BMERB1: variants seen among roughly 807,000 people sequenced by gnomAD.
BMERB1 encodes bMERB domain containing 1.
A neutral mutation model predicts 23.6 loss-of-function variants in BMERB1; 12 were observed. The observed-to-expected ratio is 0.51, with a 90% CI of 0.33 to 0.82. The LOEUF (loss-of-function observed/expected upper bound fraction) is 0.82, where lower values mean the gene tolerates loss of function less well. BMERB1 is among the 40% of genes least tolerant of loss of function. The pLI is 0.03. For synonymous variants in BMERB1, 122 were observed against 96.6 expected (o/e 1.26, Z -1.54); for missense variants, 247 against 255.4 (o/e 0.97, Z 0.22).
chr16:15,484,978 A>G (rs1211794635), intron 1 of BMERB1, among the ~76,000 whole-genome samples: 2 of 152,166 alleles, frequency 1.3e-5, no homozygotes, highest in Non-Finnish European at 2.9e-5. Flanking sequence ...TTCTGCATCT[A>G]CTTGTGTTGG....
intron 2 of BMERB1, among the ~76,000 whole-genome samples, chr16:15,553,209 T>C (rs2030146789): frequency 6.6e-6 from 1 of 152,198 alleles, no homozygotes; most frequent in African/African-American, 2.4e-5. Flanking sequence ...AGTTTCGCCA[T>C]GTTGGCTAGG....
At chr16:15,453,461 A>G (rs911067495) in intron 1 of BMERB1, among the ~76,000 whole-genome samples, 1 of 152,074 alleles carries the variant, frequency 6.6e-6, no homozygotes, top group South Asian at 2.1e-4. Flanking sequence ...CTCTAATTCT[A>G]TTATTAGCTA....
At chr16:15,536,017 C>T (rs1273326866) in intron 2 of BMERB1, among the ~76,000 whole-genome samples, 11 of 152,148 alleles carry the variant, frequency 7.2e-5, no homozygotes, top group African/African-American at 2.4e-4. Context: ...TTCCCTCCCT[C>T]GACACGTGGG....
At chr16:15,537,153 A>G (rs78330317) in intron 2 of BMERB1, among the ~76,000 whole-genome samples, 24 of 152,196 alleles carry the variant, frequency 1.6e-4, no homozygotes, top group African/African-American at 5.5e-4. Context: ...CTGGGGCTAT[A>G]TTTATCAAGA....
At chr16:15,525,772 T>G (rs775463747) in intron 2 of BMERB1, among the ~76,000 whole-genome samples, 1 of 152,130 alleles carries the variant, frequency 6.6e-6, no homozygotes, top group East Asian at 1.9e-4. Context: ...TTCAGTAGTA[T>G]TGGTTCTGTT....
intron 1 of BMERB1, among the ~76,000 whole-genome samples, chr16:15,507,561 GCGT>G (rs1221172221): frequency 8.3e-4 from 127 of 152,294 alleles, no homozygotes; most frequent in Non-Finnish European, 9.3e-4. Context: ...TTGGAAGTGT[GCGT>G]GAGAGACTTG....
intron 1 of BMERB1, among the ~76,000 whole-genome samples, chr16:15,473,857 C>T (rs949629028): frequency 2.6e-5 from 4 of 151,966 alleles, no homozygotes; most frequent in Admixed American, 6.6e-5. Context: ...CGGTGGCTCA[C>T]GCCTGTAATC....
intron 3 of BMERB1, among the ~76,000 whole-genome samples, chr16:15,572,238 A>ACC (rs35421346): frequency 6.6e-6 from 1 of 151,578 alleles, no homozygotes; most frequent in African/African-American, 2.4e-5. Flanking sequence ...CAATAATACT[A>ACC]CCCCCCGCAT....
At chr16:15,451,594 TG>T (rs1479339526) in intron 1 of BMERB1, among the ~76,000 whole-genome samples, 1 of 144,362 alleles carries the variant, frequency 6.9e-6, no homozygotes, top group African/African-American at 2.6e-5. Context: ...GAGCTCACTC[TG>T]TTACCGAGGC....
Position 15,488,845 on chromosome 16 carries a change from T to C in BMERB1, c.107-26460T>C, listed in dbSNP as rs1362571307. The stretch of plus-strand genomic sequence containing the variant: ...AAAAAAAAAAAACAAAGATATATAG[T>C]ATTTGTGTGACTTTCTTGGTTTTGT... On this transcript the variant is annotated intron_variant, in intron 1 of 5. Coordinates refer to ENST00000300006, the MANE Select transcript of BMERB1 (RefSeq NM_033201.3). 2.1e-5 allele frequency among the ~76,000 whole-genome samples: 3 copies of C among 144,948 alleles called. 1 individual carries two copies. Among genetic ancestry groups the C allele is most frequent in the Non-Finnish European group, 4.5e-5 (3 of 66,588 alleles).
intron 2 of BMERB1, among the ~76,000 whole-genome samples, chr16:15,554,915 C>G (rs1454356936): frequency 1.3e-5 from 2 of 152,114 alleles, no homozygotes; most frequent in African/African-American, 2.4e-5. Flanking sequence ...ATCCGCCCGC[C>G]TCGGCCTCCC....
intron 1 of BMERB1, among the ~76,000 whole-genome samples, chr16:15,481,398 G>A (rs573929662): frequency 1.3e-5 from 2 of 152,130 alleles, no homozygotes; most frequent in South Asian, 4.1e-4. Flanking sequence ...GTGGTGGTGG[G>A]CACCTGTAGT....
At chr16:15,502,199 C>T in intron 1 of BMERB1, 1 of 1,231,068 alleles carries the variant, frequency 8.1e-7, no homozygotes, top group Non-Finnish European at 1.2e-6. Flanking sequence ...TTTGACACGT[C>T]AGATGTGGCT....
At chr16:15,446,728 ATC>A (rs2050993035) in intron 1 of BMERB1, among the ~76,000 whole-genome samples, 1 of 152,210 alleles carries the variant, frequency 6.6e-6, no homozygotes. Context: ...AACTAGACAC[ATC>A]TCTGTGTTTC....
At chr16:15,541,116 A>C (rs945756341) in intron 2 of BMERB1, among the ~76,000 whole-genome samples, 4 of 151,998 alleles carry the variant, frequency 2.6e-5, no homozygotes, top group African/African-American at 9.7e-5. Flanking sequence ...CTCGGGTTTG[A>C]TAGTTTGCTG....
chr16:15,450,138 C>G (rs1397389566), intron 1 of BMERB1, among the ~76,000 whole-genome samples: 2 of 152,100 alleles, frequency 1.3e-5, no homozygotes, highest in Non-Finnish European at 2.9e-5. Context: ...AGCTCTACCA[C>G]CGTACTCCAA....
In BMERB1 at chr16:15,556,300, G is replaced by A. The variant is rs189452589; in HGVS notation, c.231-11683G>A. Among the ~76,000 whole-genome samples, 17 of 152,278 alleles carry A rather than the reference G, an allele frequency of 1.1e-4. 1 individual carries two copies. In the South Asian group the frequency reaches 2.7e-3, roughly 24 times the overall value. ...ACCTAGGGTGGAGGAGTGGATGGAAGTGGCTGTTCCTACACACCCACACTG... is the reference window on the plus strand; with the variant it reads ...ACCTAGGGTGGAGGAGTGGATGGAAATGGCTGTTCCTACACACCCACACTG... On this transcript the variant is annotated intron_variant, in intron 2 of 5. Transcript: ENST00000300006.
intron 1 of BMERB1, among the ~76,000 whole-genome samples, chr16:15,455,383 A>AT (rs1446795974): frequency 6.6e-6 from 1 of 151,842 alleles, no homozygotes; most frequent in Non-Finnish European, 1.5e-5. Flanking sequence ...TGGGTATGAC[A>AT]ACTACTAGTG....
At chr16:15,485,654 C>A (rs534882436) in intron 1 of BMERB1, among the ~76,000 whole-genome samples, 1 of 152,016 alleles carries the variant, frequency 6.6e-6, no homozygotes, top group Non-Finnish European at 1.5e-5. Flanking sequence ...ACTACTATTT[C>A]CATCTGTGTT....
Sources: allele counts gnomAD v4.1 joint callset (sites outside exome capture counted in the v4.1 genomes callset), GRCh38; gene constraint gnomAD v4.1.1; transcripts MANE v1.5; gene names NCBI Gene and HGNC (gene_info 2026-07-23, HGNC 2026-07-21).